Variants in TJP1 observed in about 807,000 individuals in gnomAD.
TJP1 encodes tight junction protein ZO-1.
Under a neutral mutation model 194.2 loss-of-function variants are expected in TJP1, and 43 were observed. The observed-to-expected ratio is 0.22, with a 90% CI of 0.17 to 0.29. TJP1 has a LOEUF of 0.29. Among genes scored for constraint, TJP1 ranks in the 10% least tolerant of loss-of-function variants. The pLI is 1.00. For missense variants in TJP1, 1,971 were observed against 2,185.7 expected (o/e 0.90, Z 1.96); for synonymous variants, 801 against 779.0 (o/e 1.03, Z -0.47).
intron 2 of TJP1, among the ~76,000 whole-genome samples, chr15:29,943,081 G>C (rs539089691): frequency 2.8e-4 from 43 of 152,270 alleles, no homozygotes; most frequent in African/African-American, 1.0e-3. Context: ...TGCAAGCTGT[G>C]ATAAGACACT....
In TJP1 at chr15:29,734,390, A is replaced by G. The variant is rs774247551; in HGVS notation, c.1408-8T>C. 5.1e-6 allele frequency: 8 copies of G among 1,572,520 alleles called. No individual in the cohort carries two copies. Among genetic ancestry groups the G allele is most frequent in the East Asian group, 2.2e-5 (1 of 44,606 alleles). ...AAAATCTACGTTGTTTACCTAATAA[A>G]TAAGATTTCATAAATCATTCTTGGC... On this transcript the variant is annotated splice_region_variant and splice_polypyrimidine_tract_variant and intron_variant, in intron 11 of 27. Coordinates refer to ENST00000614355, the MANE Select transcript of TJP1 (RefSeq NM_001330239.4).
At position 29,716,696 on chromosome 15, in the gene TJP1, C is replaced by T. The variant is rs1566878871; in HGVS notation, c.4117G>A (p.Ala1373Thr). The T allele has an allele frequency of 1.5e-5, 24 of 1,614,082 alleles. No individual in the cohort carries two copies. Among genetic ancestry groups the T allele is most frequent in the Non-Finnish European group, 1.9e-5 (23 of 1,180,014 alleles). The change falls in exon 23 of 28, where the codon GCA becomes ACA. Residue 1373 changes from alanine (A) to threonine (T), a missense_variant. By Grantham distance (58) the Ala-to-Thr change is moderately conservative. Coordinates refer to ENST00000614355, the MANE Select transcript of TJP1 (RefSeq NM_001330239.4). Reference sequence around the variant, plus strand: ...GAGAGATGGCTGGCGGCAATGTGTGCAGGAGGCTTATTCTCAAAACTTCTT... The same window carrying T: ...GAGAGATGGCTGGCGGCAATGTGTGTAGGAGGCTTATTCTCAAAACTTCTT... ...DRRSFENKPP[A>T]HIAASHLSEP... is the part of the protein sequence containing the mutation.
chr15:29,968,729 C>T, exon 1 of TJP1: 1 of 1,231,770 alleles, frequency 8.1e-7, no homozygotes, highest in Non-Finnish European at 1.0e-6. Flanking sequence ...CGATGGCCAT[C>T]TGCAGCACCG....
chr15:29,749,306 C>T (rs1416232249), intron 8 of TJP1, among the ~76,000 whole-genome samples: 1 of 152,164 alleles, frequency 6.6e-6, no homozygotes, highest in East Asian at 1.9e-4. Flanking sequence ...CATGAACGGA[C>T]TCACTGTTAA....
At chr15:29,816,501 C>T (rs2049934410) in intron 1 of TJP1, among the ~76,000 whole-genome samples, 1 of 152,178 alleles carries the variant, frequency 6.6e-6, no homozygotes. Flanking sequence ...CCATGATGGT[C>T]TAAAATGCCA....
At chr15:29,829,710 ATG>A (rs1227881856) in intron 2 of TJP1, among the ~76,000 whole-genome samples, 1 of 152,246 alleles carries the variant, frequency 6.6e-6, no homozygotes, top group East Asian at 1.9e-4. Context: ...TTTTTTTACA[ATG>A]TGTGTGTTAT....
At chr15:29,742,975 T>C (rs960684184) in intron 8 of TJP1, 194 bp from the exon 9 acceptor site, 1 of 414,724 alleles carries the variant, frequency 2.4e-6, no homozygotes, top group East Asian at 3.8e-5. Flanking sequence ...ATTCATGTAA[T>C]AAAATCGAAA....
intron 1 of TJP1, chr15:29,820,594 T>C (rs2050266020): frequency 1.4e-6 from 1 of 716,574 alleles, no homozygotes; most frequent in Non-Finnish European, 2.6e-6. Flanking sequence ...AAAAGTGTGT[T>C]GTCTTGCATA....
intron 18 of TJP1, among the ~76,000 whole-genome samples, chr15:29,725,548 G>A (rs747958): frequency 0.013 from 2,039 of 151,836 alleles, 20 homozygotes; most frequent in Middle Eastern, 0.024. Flanking sequence ...AAAACTTACT[G>A]CACTGATCTG....
intron 27 of TJP1, among the ~76,000 whole-genome samples, chr15:29,703,348 G>C (rs912570925): frequency 4.6e-5 from 7 of 152,138 alleles, no homozygotes; most frequent in African/African-American, 1.7e-4. Flanking sequence ...TGAGGCAGGA[G>C]AATCGCTTGA....
Position 29,700,732 on chromosome 15 carries a change from AAAAAG to A in TJP1, c.*858_*862del, listed in dbSNP as rs1555381627. On this transcript the variant is annotated 3_prime_UTR_variant, in exon 28 of 28. Transcript: ENST00000614355. ...CCACTGCCCCTTGTCAAAAAAAAAA[AAAAAG>A]AAAAGAAAAGAAAAGAAAAAAATAT... is the stretch of plus-strand genomic sequence containing the variant. 18 of 290,112 alleles carry A rather than the reference AAAAAG, an allele frequency of 6.2e-5. No individual in the cohort carries two copies. Among genetic ancestry groups the A allele is most frequent in the African/African-American group, 2.6e-4 (12 of 46,252 alleles). 18.0% of individuals were successfully genotyped at this position (290,112 alleles called of 1,614,324 possible). A position where few individuals can be genotyped will look rare whatever the true frequency, so the allele number is the denominator to read the frequency against.
chr15:29,731,188 A>C (rs1355633907), intron 15 of TJP1, among the ~76,000 whole-genome samples: 1 of 150,936 alleles, frequency 6.6e-6, no homozygotes, highest in African/African-American at 2.4e-5. Context: ...AACTGGATTG[A>C]TGTGGAGAAA....
chr15:29,787,547 A>G (rs1234040374), intron 2 of TJP1, among the ~76,000 whole-genome samples: 1 of 152,212 alleles, frequency 6.6e-6, no homozygotes, highest in Non-Finnish European at 1.5e-5. Flanking sequence ...AACCACTAAT[A>G]TAACTCTCTA....
Position 29,800,725 on chromosome 15 carries a change from A to C in TJP1, c.28-23T>G, listed in dbSNP as rs747302855. On this transcript the variant is annotated intron_variant, in intron 1 of 27. Transcript: ENST00000614355. ...GCTCTGATAAAGGAAAAGAAAAACA[A>C]ATCATTTACCTTTTAAGAAAATGTC... 5.6e-6 allele frequency: 9 copies of C among 1,611,730 alleles called. No individual in the cohort carries two copies. The Admixed American group carries it at 1.5e-4, about 27-fold the overall frequency.
At chr15:29,734,451 A>G in intron 11 of TJP1, 69 bp from the exon 12 acceptor site, 3 of 1,103,466 alleles carry the variant, frequency 2.7e-6, no homozygotes, top group African/African-American at 1.6e-5. Context: ...CGCAGGACAC[A>G]GATACTCTCA....
intron 15 of TJP1, chr15:29,730,588 C>CT: frequency 9.4e-6 from 5 of 532,510 alleles, no homozygotes; most frequent in Non-Finnish European, 1.4e-5. Context: ...GAGTGAGACT[C>CT]TGTCTCTGAA....
intron 2 of TJP1, among the ~76,000 whole-genome samples, chr15:29,896,593 G>C (rs2053484361): frequency 1.3e-5 from 2 of 152,182 alleles, no homozygotes; most frequent in Non-Finnish European, 2.9e-5. Context: ...CAGTTTGGAG[G>C]GCTCAGAAGA....
chr15:29,801,385 A>G (rs1016379383), intron 1 of TJP1, among the ~76,000 whole-genome samples: 1 of 152,188 alleles, frequency 6.6e-6, no homozygotes, highest in Non-Finnish European at 1.5e-5. Flanking sequence ...GCTCCAATAC[A>G]GGTCCTGCCC....
Position 29,838,125 on chromosome 15 carries a change from G to A in TJP1, c.307-37423C>T, listed in dbSNP as rs115725698. On this transcript the variant is annotated intron_variant, in intron 2 of 28. Coordinates refer to the TJP1 transcript ENST00000356107. Reference sequence around the variant, plus strand: ...TAAAACCTTTTATTTTGAAACAATCGTAGATTAACAAGAAGTTGGCCAGGC... The same window carrying A: ...TAAAACCTTTTATTTTGAAACAATCATAGATTAACAAGAAGTTGGCCAGGC... Among the ~76,000 whole-genome samples the A allele has an allele frequency of 2.2e-3, 333 of 152,140 alleles. 2 individuals carry two copies. Among genetic ancestry groups the A allele is most frequent in the African/African-American group, 7.4e-3 (308 of 41,514 alleles).
Sources: allele counts gnomAD v4.1 joint callset (sites outside exome capture counted in the v4.1 genomes callset), GRCh38; gene constraint gnomAD v4.1.1; transcripts MANE v1.5; gene names NCBI Gene and HGNC (gene_info 2026-07-23, HGNC 2026-07-21).